The following JAK2 variants were observed in gnomAD, a reference collection of about 807,000 sequenced individuals.
JAK2 encodes tyrosine-protein kinase JAK2.
JAK2 carries 86 observed loss-of-function variants against 139.3 expected under a neutral mutation model. That is an observed-to-expected ratio of 0.62 (90% CI 0.52 to 0.74). JAK2 has a LOEUF of 0.74. JAK2 is among the 30% of genes least tolerant of loss of function. The probability of loss-of-function intolerance (pLI) is 0.00; values close to 1 mark genes in which losing one functional copy is unlikely to be tolerated. For synonymous variants in JAK2, 490 were observed against 437.7 expected, an observed-to-expected ratio of 1.12 and a Z score of -1.49; for missense variants, 1,421 against 1,360.3, an observed-to-expected ratio of 1.04 and a Z score of -0.70.
intron 22 of JAK2, among the ~76,000 whole-genome samples, chr9:5,121,582 A>G (rs937059673): frequency 6.6e-6 from 1 of 152,160 alleles, no homozygotes; most frequent in African/African-American, 2.4e-5. Flanking sequence ...TGAATTCCCA[A>G]GAGATAGTTA....
intron 2 of JAK2, among the ~76,000 whole-genome samples, chr9:4,996,279 T>C (rs1400786429): frequency 6.6e-6 from 1 of 152,146 alleles, no homozygotes; most frequent in African/African-American, 2.4e-5. Context: ...TGAAACCCTG[T>C]CTCTACTAAA....
At chr9:4,991,941 A>G (rs534095869) in intron 2 of JAK2, among the ~76,000 whole-genome samples, 5 of 152,170 alleles carry the variant, frequency 3.3e-5, no homozygotes, top group South Asian at 4.1e-4. Context: ...CATTACTCTG[A>G]TTGCTATTGC....
intron 22 of JAK2, chr9:5,110,729 G>A (rs958951672): frequency 1.9e-5 from 7 of 361,026 alleles, no homozygotes; most frequent in African/African-American, 4.3e-5. Flanking sequence ...GCTGGCTATA[G>A]TACCCGTGTT....
intron 19 of JAK2, among the ~76,000 whole-genome samples, chr9:5,086,819 G>A (rs1327652018): frequency 1.3e-5 from 2 of 152,096 alleles, no homozygotes; most frequent in East Asian, 1.9e-4. Flanking sequence ...TTATTGGAAC[G>A]TAAATTGGTG....
chr9:5,007,490 C>T (rs1821384589), intron 2 of JAK2, among the ~76,000 whole-genome samples: 1 of 152,000 alleles, frequency 6.6e-6, no homozygotes, highest in Non-Finnish European at 1.5e-5. Context: ...AAATGCAGAA[C>T]TTCACATTTT....
intron 6 of JAK2, among the ~76,000 whole-genome samples, chr9:5,052,436 G>C (rs1054829991): frequency 1.3e-5 from 2 of 152,084 alleles, no homozygotes; most frequent in Non-Finnish European, 2.9e-5. Flanking sequence ...TTTAAAAATA[G>C]TGTAGATATT....
intron 2 of JAK2, among the ~76,000 whole-genome samples, chr9:5,000,210 C>T (rs1164031276): frequency 6.6e-6 from 1 of 151,830 alleles, no homozygotes; most frequent in Non-Finnish European, 1.5e-5. Context: ...ATTTACCCAT[C>T]TTTTATTTCC....
chr9:5,077,399 A>ATT, intron 14 of JAK2, 54 bp from the exon 15 acceptor site: 1 of 605,624 alleles, frequency 1.7e-6, no homozygotes, highest in Non-Finnish European at 2.4e-6. Context: ...AATTACATAT[A>ATT]TTTAATTATA....
At chr9:5,058,907 T>C (rs577312138) in intron 8 of JAK2, among the ~76,000 whole-genome samples, 130 of 152,286 alleles carry the variant, frequency 8.5e-4, no homozygotes, top group African/African-American at 3.0e-3. Flanking sequence ...ATTATAGAAA[T>C]TATTTATGTA....
intron 2 of JAK2, among the ~76,000 whole-genome samples, chr9:5,002,427 C>T (rs571644884): frequency 3.3e-5 from 5 of 151,994 alleles, no homozygotes; most frequent in South Asian, 4.1e-4. Context: ...TTTTGCAATA[C>T]TGGGAGATTT....
At chr9:5,043,151 G>T (rs947518768) in intron 4 of JAK2, among the ~76,000 whole-genome samples, 2 of 152,242 alleles carry the variant, frequency 1.3e-5, no homozygotes, top group African/African-American at 4.8e-5. Context: ...GTGCAGGGGG[G>T]TCTGCGGGCG....
chr9:5,040,241 G>C (rs1014553701), intron 4 of JAK2, among the ~76,000 whole-genome samples: 5 of 151,420 alleles, frequency 3.3e-5, no homozygotes, highest in Admixed American at 2.0e-4. Context: ...GGGACAACTG[G>C]ATATCCACAT....
chr9:5,095,564 G>A (rs537499145), intron 22 of JAK2, among the ~76,000 whole-genome samples: 80 of 152,114 alleles, frequency 5.3e-4, no homozygotes, highest in Admixed American at 1.8e-3. Flanking sequence ...TTTCACTTCC[G>A]AGTCCCAGAA....
intron 14 of JAK2, among the ~76,000 whole-genome samples, chr9:5,074,086 C>T (rs1586742554): frequency 6.6e-6 from 1 of 151,980 alleles, no homozygotes; most frequent in South Asian, 2.1e-4. Context: ...TTCAACATAA[C>T]ATTGGAATAA....
intron 23 of JAK2, 69 bp downstream of exon 23, chr9:5,123,190 C>A: frequency 9.2e-7 from 1 of 1,082,054 alleles, no homozygotes; most frequent in Non-Finnish European, 1.4e-6. Flanking sequence ...TTATGGGGTA[C>A]AAGTACAATT....
intron 22 of JAK2, among the ~76,000 whole-genome samples, chr9:5,115,545 G>C (rs1400483399): frequency 1.3e-5 from 2 of 152,180 alleles, no homozygotes; most frequent in African/African-American, 2.4e-5. Context: ...ATTTCACTGA[G>C]CAATTCCATT....
In JAK2 at chr9:5,080,326, G is replaced by T; in HGVS notation, c.2229G>T (p.Leu743Phe). The change falls in exon 17 of 25, where the codon TTG becomes TTT. Residue 743 changes from leucine to phenylalanine, a missense_variant. Transcript: ENST00000381652. Reference sequence around the variant, plus strand: ...ACAAATGGAGTTTTGGTACCACTTTGTGGGAAATCTGCAGTGGAGGAGATA... The same window carrying T: ...ACAAATGGAGTTTTGGTACCACTTTTTGGGAAATCTGCAGTGGAGGAGATA... ...ATDKWSFGTT[L>F]WEICSGGDKP... is the part of the protein sequence containing the mutation. 1 of 1,613,874 alleles carries T rather than the reference G, an allele frequency of 6.2e-7. No individual in the cohort carries two copies. Among genetic ancestry groups the T allele is most frequent in the African/African-American group, 1.3e-5 (1 of 75,018 alleles).
At chr9:5,059,447 T>G (rs569246282) in intron 8 of JAK2, among the ~76,000 whole-genome samples, 1 of 152,194 alleles carries the variant, frequency 6.6e-6, no homozygotes, top group Non-Finnish European at 1.5e-5. Context: ...GTACCTCAAA[T>G]TTTAAATGTA....
At chr9:5,111,405 T>TGGACACGCAGCCC in intron 22 of JAK2, 1 of 402,988 alleles carries the variant, frequency 2.5e-6, no homozygotes, top group Non-Finnish European at 4.8e-6. Flanking sequence ...GACAGCGGCC[T>TGGACACGCAGCCC]GGACACGCAG....
Sources: gnomAD v4.1 joint callset for allele counts (sites outside exome capture counted in the v4.1 genomes callset) on GRCh38, gnomAD v4.1.1 for gene constraint, MANE v1.5 for transcripts, NCBI Gene and HGNC (gene_info 2026-07-23, HGNC 2026-07-21) for gene names.